The following PLAAT3 variants were observed in gnomAD, a reference collection of about 807,000 sequenced individuals.
The protein encoded by PLAAT3 is phospholipase A and acyltransferase 3.
In PLAAT3, 21 loss-of-function variants were observed where a neutral mutation model predicts 16.7. The observed-to-expected ratio is 1.26, with a 90% CI of 0.89 to 1.81. The LOEUF (loss-of-function observed/expected upper bound fraction) is 1.81. Ranked by LOEUF, PLAAT3 falls within the 40% of genes most tolerant of loss-of-function variation. PLAAT3 has a pLI of 0.00. For missense variants in PLAAT3, 219 were observed against 213.7 expected (o/e 1.02, Z -0.16); for synonymous variants, 76 against 81.7 (o/e 0.93, Z 0.38).
chr11:63,603,765 TTA>T lies in PLAAT3; in HGVS notation c.16-5604_16-5603del, dbSNP rs539296706. Among the ~76,000 whole-genome samples, 38 of 131,108 alleles carry T rather than the reference TTA, an allele frequency of 2.9e-4. No homozygotes were observed. In the East Asian group the frequency reaches 7.8e-3, roughly 27 times the overall value. The allele number at this position is 131,108 out of a possible 152,430, so 86.0% of individuals were successfully genotyped here. A position where few individuals can be genotyped will look rare whatever the true frequency, so the allele number is the denominator to read the frequency against. On this transcript the variant is annotated intron_variant, in intron 2 of 4. Coordinates refer to ENST00000415826, the MANE Select transcript of PLAAT3 (RefSeq NM_001128203.2). ...ACACACACACACACAGACAGAGATATTAGAGAGAGTAAGGTGAATTTACATGA... is the reference window on the plus strand; with the variant it reads ...ACACACACACACACAGACAGAGATATGAGAGAGTAAGGTGAATTTACATGA...
At chr11:63,590,478 G>C in intron 3 of PLAAT3, 110 bp from the exon 4 acceptor site, 1 of 890,172 alleles carries the variant, frequency 1.1e-6, no homozygotes, top group Non-Finnish European at 1.8e-6. Context: ...CAAAGGATAA[G>C]CAACAAGTGG....
chr11:63,613,962 TCCCAGCCCCG>T (rs778269925), intron 2 of PLAAT3, 28 bp downstream of exon 2: 23 of 1,307,188 alleles, frequency 1.8e-5, no homozygotes, highest in South Asian at 1.5e-4. Flanking sequence ...AACAGGGGGC[TCCCAGCCCCG>T]CCCAGCCCCG....
At chr11:63,591,661 A>G (rs1049450028) in intron 3 of PLAAT3, among the ~76,000 whole-genome samples, 5 of 152,264 alleles carry the variant, frequency 3.3e-5, no homozygotes, top group African/African-American at 1.2e-4. Context: ...TTCAGCCTGC[A>G]TGCAATGCCT....
chr11:63,599,887 G>A (rs745913865), intron 2 of PLAAT3, among the ~76,000 whole-genome samples: 22 of 152,164 alleles, frequency 1.4e-4, no homozygotes, highest in Non-Finnish European at 8.8e-5. Flanking sequence ...GTAAGACCAT[G>A]TTGAGTAATA....
intron 4 of PLAAT3, among the ~76,000 whole-genome samples, chr11:63,580,816 G>C (rs1458298960): frequency 2.0e-5 from 3 of 152,196 alleles, no homozygotes; most frequent in Admixed American, 6.5e-5. Context: ...AAAATAGATG[G>C]GGACTATAAG....
rs201688333 is a variant in PLAAT3, at chr11:63,598,091, C to A, written c.88G>T (p.Asp30Tyr). The A allele has an allele frequency of 1.2e-6, 2 of 1,613,376 alleles. No homozygotes were observed. Among genetic ancestry groups the A allele is most frequent in the African/African-American group, 1.3e-5 (1 of 74,920 alleles). ...FYRHWAIYVG[D>Y]GYVVHLAPPS... is the part of the protein sequence containing the mutation. Reference sequence around the variant, plus strand: ...GGGGCCAGATGAACCACATATCCATCGCCAACATAGATGGCCCAGTGTCTG... The same window carrying A: ...GGGGCCAGATGAACCACATATCCATAGCCAACATAGATGGCCCAGTGTCTG... Residue 30 changes from aspartate (D) to tyrosine (Y), a missense_variant, in exon 3 of 5, where the codon GAT (aspartate) becomes TAT (tyrosine). Physicochemically the swap from Asp to Tyr is radical, Grantham distance 160. Coordinates refer to ENST00000415826, the MANE Select transcript of PLAAT3 (RefSeq NM_001128203.2).
At chr11:63,588,688 C>G (rs1944526751) in intron 4 of PLAAT3, among the ~76,000 whole-genome samples, 1 of 152,184 alleles carries the variant, frequency 6.6e-6, no homozygotes, top group Non-Finnish European at 1.5e-5. Context: ...TACTCAATTT[C>G]TAAGTTGATC....
chr11:63,595,935 T>C (rs1938275606), intron 3 of PLAAT3, among the ~76,000 whole-genome samples: 1 of 152,144 alleles, frequency 6.6e-6, no homozygotes, highest in South Asian at 2.1e-4. Flanking sequence ...CCAGGAGCTT[T>C]ACGCTTAAGA....
In PLAAT3 at chr11:63,599,693, T is replaced by C. The variant is rs913196260; in HGVS notation, c.16-1530A>G. Reference sequence around the variant, plus strand: ...AACAATGGACAATGGTCACAATTTATGAATCCCATTGTTTTCCAGGAAAAA... The same window carrying C: ...AACAATGGACAATGGTCACAATTTACGAATCCCATTGTTTTCCAGGAAAAA... On this transcript the variant is annotated intron_variant, in intron 2 of 4. Transcript: ENST00000415826. Among the ~76,000 whole-genome samples the C allele has an allele frequency of 5.3e-5, 8 of 151,944 alleles. No individual in the cohort carries two copies. In the East Asian group the frequency reaches 1.2e-3, roughly 22 times the overall value.
intron 3 of PLAAT3, among the ~76,000 whole-genome samples, chr11:63,597,521 G>A (rs1460762004): frequency 1.3e-5 from 2 of 152,018 alleles, no homozygotes; most frequent in African/African-American, 4.8e-5. Context: ...GCAAGACTCT[G>A]TCTCAAAAAA....
At chr11:63,580,393 C>T (rs752959036) in intron 4 of PLAAT3, among the ~76,000 whole-genome samples, 14 of 152,172 alleles carry the variant, frequency 9.2e-5, no homozygotes, top group African/African-American at 2.9e-4. Context: ...TGGTGGCTCA[C>T]GCCTGTAATC....
intron 3 of PLAAT3, among the ~76,000 whole-genome samples, chr11:63,590,611 A>G (rs549206168): frequency 6.6e-6 from 1 of 152,320 alleles, no homozygotes; most frequent in African/African-American, 2.4e-5. Flanking sequence ...TTCTTACTCT[A>G]GAGAAGGTGG....
upstream of PLAAT3, among the ~76,000 whole-genome samples, chr11:63,615,933 G>A (rs1341172625): frequency 6.6e-6 from 1 of 152,142 alleles, no homozygotes; most frequent in Admixed American, 6.5e-5. Context: ...CTCCGAAAGG[G>A]CTGGGATTAC....
chr11:63,611,608 T>C (rs1205978151), intron 2 of PLAAT3, among the ~76,000 whole-genome samples: 1 of 152,218 alleles, frequency 6.6e-6, no homozygotes, highest in Non-Finnish European at 1.5e-5. Context: ...TAATTTGAAC[T>C]CCATTTATAC....
At chr11:63,584,377 T>G (rs1937905967) in intron 4 of PLAAT3, among the ~76,000 whole-genome samples, 1 of 152,010 alleles carries the variant, frequency 6.6e-6, no homozygotes, top group Non-Finnish European at 1.5e-5. Flanking sequence ...CTAAATATTT[T>G]TAGGTAGGTG....
chr11:63,577,728 C>T (rs1237949492), intron 4 of PLAAT3, among the ~76,000 whole-genome samples: 2 of 152,164 alleles, frequency 1.3e-5, no homozygotes, highest in Admixed American at 6.5e-5. Flanking sequence ...CATTAGATCG[C>T]TTCTCGGCCT....
Position 63,574,522 on chromosome 11 carries a change from A to G in PLAAT3, c.*423T>C, listed in dbSNP as rs2017632787. The G allele has an allele frequency of 6.5e-6, 1 of 153,110 alleles. No homozygotes were observed. Among genetic ancestry groups the G allele is most frequent in the African/African-American group, 2.5e-5 (1 of 40,264 alleles). 9.5% of individuals were successfully genotyped at this position (153,110 alleles called of 1,614,324 possible). ...CTCCAGCTGCTGAGTCTCAGAGGCC[A>G]TCCTAGATCTAGTTCCGGGCCAAGG... On this transcript the variant is annotated 3_prime_UTR_variant, in exon 5 of 5. Transcript: ENST00000415826.
At chr11:63,585,434 C>T (rs757190432) in intron 4 of PLAAT3, among the ~76,000 whole-genome samples, 2 of 151,776 alleles carry the variant, frequency 1.3e-5, no homozygotes, top group South Asian at 2.1e-4. Flanking sequence ...TGTCTACAGA[C>T]GTTTTTGGTT....
chr11:63,601,180 A>T (rs1938419758), intron 2 of PLAAT3, among the ~76,000 whole-genome samples: 1 of 148,918 alleles, frequency 6.7e-6, no homozygotes, highest in African/African-American at 2.5e-5. Context: ...TCAGCCTCCC[A>T]AGTAGCTGGG....
Sources: allele counts gnomAD v4.1 joint callset (sites outside exome capture counted in the v4.1 genomes callset), GRCh38; gene constraint gnomAD v4.1.1; transcripts MANE v1.5; gene names NCBI Gene and HGNC (gene_info 2026-07-23, HGNC 2026-07-21).